Variants in CMIP observed in about 807,000 individuals in gnomAD.
CMIP encodes the protein C-Maf-inducing protein.
In CMIP, 13 loss-of-function variants were observed where a neutral mutation model predicts 97.3. The observed-to-expected ratio is 0.13, with a 90% confidence interval of 0.09 to 0.21. The LOEUF is 0.21. Among genes scored for constraint, CMIP ranks in the 10% least tolerant of loss-of-function variants. The pLI, the probability that CMIP is intolerant of heterozygous loss-of-function variation, is 1.00. For missense variants in CMIP, 847 were observed against 1,024.9 expected, an observed-to-expected ratio of 0.83 and a Z score of 2.37; for synonymous variants, 538 against 436.3, an observed-to-expected ratio of 1.23 and a Z score of -2.91.
In CMIP at chr16:81,671,933, G is replaced by A. The variant is rs771106656; in HGVS notation, c.930-33G>A. Reference sequence around the variant, plus strand: ...CCTGTCCATGGGCCCCACTCCTGCAGGCTTCTCACCCCAGCCCTCTGCTTT... The same window carrying A: ...CCTGTCCATGGGCCCCACTCCTGCAAGCTTCTCACCCCAGCCCTCTGCTTT... On this transcript the variant is annotated intron_variant, in intron 8 of 20. Transcript: ENST00000537098. 4 of 1,260,478 alleles carry A rather than the reference G, an allele frequency of 3.2e-6. No individual in the cohort carries two copies. The South Asian group carries it at 5.1e-5, about 16-fold the overall frequency. 78.1% of individuals were successfully genotyped at this position (1,260,478 alleles called of 1,614,324 possible). A position where few individuals can be genotyped will look rare whatever the true frequency, so the allele number is the denominator to read the frequency against.
chr16:81,709,671 G>T (rs1272503268), intron 20 of CMIP, 75 bp from the exon 21 acceptor site: 2 of 1,546,400 alleles, frequency 1.3e-6, no homozygotes, highest in African/African-American at 1.4e-5. Context: ...CCGGCAATGC[G>T]GGTGGAGCCA....
At chr16:81,681,634 T>C (rs917856230) in intron 10 of CMIP, among the ~76,000 whole-genome samples, 6 of 152,190 alleles carry the variant, frequency 3.9e-5, no homozygotes, top group African/African-American at 1.2e-4. Flanking sequence ...GACCATACTA[T>C]TGAGGGCGAG....
At chr16:81,455,793 T>G (rs1173995059) in intron 1 of CMIP, among the ~76,000 whole-genome samples, 1 of 152,184 alleles carries the variant, frequency 6.6e-6, no homozygotes, top group Non-Finnish European at 1.5e-5. Flanking sequence ...ATCCCAGGCC[T>G]GAGCTGTGGC....
At position 81,504,641 on chromosome 16, in the gene CMIP, CA is replaced by C. The variant is rs149715666; in HGVS notation, c.300+59125del. 7.6e-4 allele frequency among the ~76,000 whole-genome samples: 55 copies of C among 71,988 alleles called. 1 individual carries two copies. Among genetic ancestry groups the C allele is most frequent in the African/African-American group, 2.3e-3 (35 of 14,946 alleles). 47.2% of individuals were successfully genotyped at this position (71,988 alleles called of 152,430 possible). A position where few individuals can be genotyped will look rare whatever the true frequency, so the allele number is the denominator to read the frequency against. On this transcript the variant is annotated intron_variant, in intron 1 of 20. Coordinates refer to ENST00000537098, the MANE Select transcript of CMIP (RefSeq NM_198390.3). ...CTCGGCGACAGAGTGAGACTCGTCT[CA>C]AAAAAAAAAAAAAAAAAAAAAAAAG... is the stretch of plus-strand genomic sequence containing the variant.
intron 1 of CMIP, among the ~76,000 whole-genome samples, chr16:81,595,050 C>T (rs962818152): frequency 6.6e-6 from 1 of 152,014 alleles, no homozygotes; most frequent in Non-Finnish European, 1.5e-5. Context: ...CTCTCTCTCT[C>T]TCTCTCTCTC....
chr16:81,696,539 G>C (rs757121458), intron 13 of CMIP, 21 bp from the exon 14 acceptor site: 1 of 1,598,520 alleles, frequency 6.3e-7, no homozygotes, highest in African/African-American at 1.3e-5. Context: ...GCTCACACTT[G>C]TGTCTTCCCT....
intron 1 of CMIP, among the ~76,000 whole-genome samples, chr16:81,447,567 G>A (rs75054400): frequency 0.015 from 2,294 of 152,280 alleles, 58 homozygotes; most frequent in African/African-American, 0.051. Context: ...GGGCCTTTCC[G>A]GAAAGCACCT....
Position 81,652,371 on chromosome 16 carries a change from C to T in CMIP, c.639+7C>T. 1 of 1,611,032 alleles carries T rather than the reference C, an allele frequency of 6.2e-7. No individual in the cohort carries two copies. ...CTCGAAACTGCTCTCAGAGGTAAAA[C>T]CCCTCCCCTGGACCCCTTTACATTG... On this transcript the variant is annotated splice_region_variant and intron_variant, in intron 4 of 20. Coordinates refer to ENST00000537098, the MANE Select transcript of CMIP (RefSeq NM_198390.3). The surrounding 1 kb of genome is among the most constrained non-coding windows in gnomAD (Gnocchi z 5.2).
chr16:81,488,268 G>A (rs2089351158), intron 1 of CMIP, among the ~76,000 whole-genome samples: 1 of 152,098 alleles, frequency 6.6e-6, no homozygotes, highest in Non-Finnish European at 1.5e-5. Context: ...AGTCTGCATG[G>A]GTTTTAAATT....
Position 81,511,806 on chromosome 16 carries a change from C to T in CMIP, c.300+66265C>T, listed in dbSNP as rs2089815824. ...CGAACTCCTGGGCTCAAGTGATCTGCCCACCTCTACCTCTCAAAGTGCTAG... is the reference window on the plus strand; with the variant it reads ...CGAACTCCTGGGCTCAAGTGATCTGTCCACCTCTACCTCTCAAAGTGCTAG... On this transcript the variant is annotated intron_variant, in intron 1 of 20. Transcript: ENST00000537098. 3.3e-5 allele frequency among the ~76,000 whole-genome samples: 5 copies of T among 152,278 alleles called. No homozygotes were observed. The South Asian group carries it at 1.0e-3, about 32-fold the overall frequency.
intron 10 of CMIP, among the ~76,000 whole-genome samples, chr16:81,680,886 C>A (rs1904807242): frequency 6.6e-6 from 1 of 152,232 alleles, no homozygotes; most frequent in Non-Finnish European, 1.5e-5. Context: ...TATTTGGGGC[C>A]TGACTCCTAT....
intron 3 of CMIP, among the ~76,000 whole-genome samples, chr16:81,639,796 G>T (rs1333782658): frequency 1.3e-5 from 2 of 152,158 alleles, no homozygotes; most frequent in African/African-American, 4.8e-5. Context: ...AGTCTGATGG[G>T]ATTGTCCTGA....
At chr16:81,600,413 G>A (rs540964033) in intron 1 of CMIP, among the ~76,000 whole-genome samples, 14 of 152,106 alleles carry the variant, frequency 9.2e-5, no homozygotes, top group Admixed American at 3.3e-4. Flanking sequence ...AGTCAGCCAT[G>A]AAAGGAATGC....
At chr16:81,533,078 TCC>T (rs374622309) in intron 1 of CMIP, among the ~76,000 whole-genome samples, 1 of 152,272 alleles carries the variant, frequency 6.6e-6, no homozygotes, top group African/African-American at 2.4e-5. Context: ...ATTCCATCCA[TCC>T]AAAAAGTTGG....
intron 3 of CMIP, among the ~76,000 whole-genome samples, chr16:81,639,754 C>G (rs2092281524): frequency 6.6e-6 from 1 of 152,144 alleles, no homozygotes; most frequent in Non-Finnish European, 1.5e-5. Context: ...CAAAAAAGTC[C>G]TGATGCATAG....
chr16:81,668,053 G>T (rs545085557), intron 7 of CMIP, among the ~76,000 whole-genome samples: 1 of 152,090 alleles, frequency 6.6e-6, no homozygotes, highest in Non-Finnish European at 1.5e-5. Context: ...GTAGGAACGG[G>T]TTCCACTCAG....
At chr16:81,535,750 C>G (rs940511325) in intron 1 of CMIP, among the ~76,000 whole-genome samples, 6 of 152,146 alleles carry the variant, frequency 3.9e-5, no homozygotes, top group African/African-American at 1.2e-4. Flanking sequence ...ATGTTGGACC[C>G]TGTTACCCAC....
chr16:81,465,438 T>C (rs1013364422), intron 1 of CMIP, among the ~76,000 whole-genome samples: 3 of 152,228 alleles, frequency 2.0e-5, no homozygotes, highest in Non-Finnish European at 4.4e-5. Flanking sequence ...TGTCTGACGC[T>C]GTGTCCTGCT....
intron 6 of CMIP, 107 bp from the exon 7 acceptor site, chr16:81,664,162 C>A: frequency 9.8e-7 from 1 of 1,020,082 alleles, no homozygotes; most frequent in South Asian, 1.7e-5. Flanking sequence ...ATCAAGGGAA[C>A]CCAGGCACCC....
Sources: gnomAD v4.1 joint callset for allele counts (sites outside exome capture counted in the v4.1 genomes callset) on GRCh38, gnomAD v4.1.1 for gene constraint, Gnocchi (gnomAD v3.1) non-coding constraint, MANE v1.5 for transcripts, NCBI Gene and HGNC (gene_info 2026-07-23, HGNC 2026-07-21) for gene names.